The following SAMD4B variants were observed in gnomAD, a reference collection of about 807,000 sequenced individuals.
SAMD4B encodes sterile alpha motif domain containing 4B, also known as protein Smaug homolog 2.
In SAMD4B, 5 loss-of-function variants were observed where a neutral mutation model predicts 74.5. The ratio of observed to expected loss-of-function variants is 0.07; its 90% confidence interval spans 0.04 to 0.14. SAMD4B has a LOEUF of 0.14. SAMD4B is among the 10% of genes least tolerant of loss of function. SAMD4B has a pLI of 1.00. For synonymous variants in SAMD4B, 373 were observed against 374.9 expected (o/e 1.00, Z 0.06); for missense variants, 608 against 921.8 (o/e 0.66, Z 4.41).
At chr19:39,348,044 T>C in intron 1 of SAMD4B, among the ~76,000 whole-genome samples, 1 of 152,002 alleles carries the variant, frequency 6.6e-6, no homozygotes, top group East Asian at 1.9e-4. Flanking sequence ...GAGGCCTCTT[T>C]TGGGAGGTGA....
chr19:39,357,474 C>T (rs2076399686), intron 3 of SAMD4B, among the ~76,000 whole-genome samples: 2 of 152,170 alleles, frequency 1.3e-5, no homozygotes, highest in Non-Finnish European at 1.5e-5. Flanking sequence ...GAGAACTCTT[C>T]CAAAATTCAT....
At chr19:39,345,955 G>C (rs138241497) in intron 1 of SAMD4B, among the ~76,000 whole-genome samples, 217 of 151,972 alleles carry the variant, frequency 1.4e-3, no homozygotes, top group African/African-American at 5.0e-3. Flanking sequence ...GCTGTTTCCT[G>C]ATTCTGAGCT....
At chr19:39,349,542 G>A (rs546879100) in intron 1 of SAMD4B, among the ~76,000 whole-genome samples, 49 of 152,236 alleles carry the variant, frequency 3.2e-4, no homozygotes, top group Non-Finnish European at 6.3e-4. Context: ...TACATGTTTT[G>A]TGTACGTATT....
At chr19:39,367,570 G>A (rs1321616041) in intron 3 of SAMD4B, among the ~76,000 whole-genome samples, 1 of 143,904 alleles carries the variant, frequency 6.9e-6, no homozygotes, top group South Asian at 2.2e-4. Context: ...GTGCAGTGGC[G>A]CGATCTCGGC....
chr19:39,385,681 AAAC>A lies in SAMD4B; in HGVS notation c.*2157_*2159del. 2 of 537,258 alleles carry A rather than the reference AAAC, an allele frequency of 3.7e-6. No individual in the cohort carries two copies. The highest frequency in any genetic ancestry group is 3.0e-5 in the East Asian group (1 of 33,642). 33.3% of individuals were successfully genotyped at this position (537,258 alleles called of 1,614,324 possible). A position where few individuals can be genotyped will look rare whatever the true frequency, so the allele number is the denominator to read the frequency against. On this transcript the variant is annotated 3_prime_UTR_variant, in exon 14 of 14. Transcript: ENST00000610417. Reference sequence around the variant, plus strand: ...TCTGGGCTTATTTTGGAAAAAAAAAAAACAAACAAAAAAAACGAATTCTGACCT... The same window carrying A: ...TCTGGGCTTATTTTGGAAAAAAAAAAAAACAAAAAAAACGAATTCTGACCT...
chr19:39,387,133 C>T (rs2078269776), downstream of SAMD4B: 8 of 438,314 alleles, frequency 1.8e-5, no homozygotes, highest in Admixed American at 6.4e-5. Flanking sequence ...CTTACACAAA[C>T]GTACATAGTA....
At chr19:39,379,292 AT>A (rs2077804641) in intron 9 of SAMD4B, among the ~76,000 whole-genome samples, 1 of 152,090 alleles carries the variant, frequency 6.6e-6, no homozygotes, top group Admixed American at 6.5e-5. Flanking sequence ...ATGAGCAACC[AT>A]GCCCAGCCCG....
Position 39,383,728 on chromosome 19 carries a change from T to C in SAMD4B, c.*201T>C. Reference sequence around the variant, plus strand: ...CCCAGGCCCGTCGAGGGATCTCTGCTGAGGCCCGGGGAGTTGGGGGCAGCC... The same window carrying C: ...CCCAGGCCCGTCGAGGGATCTCTGCCGAGGCCCGGGGAGTTGGGGGCAGCC... On this transcript the variant is annotated 3_prime_UTR_variant, in exon 14 of 14. Transcript: ENST00000610417. This position sits in a 1 kb window ranked among gnomAD's most constrained non-coding sequence, Gnocchi z 4.1. 6.5e-7 allele frequency: 1 copy of C among 1,535,916 alleles called. No homozygotes were observed. Among genetic ancestry groups the C allele is most frequent in the Non-Finnish European group, 8.7e-7 (1 of 1,146,504 alleles).
chr19:39,353,626 G>A (rs1348537881), intron 1 of SAMD4B, among the ~76,000 whole-genome samples: 4 of 151,954 alleles, frequency 2.6e-5, no homozygotes, highest in African/African-American at 9.7e-5. Context: ...TTTTGAGATG[G>A]AATCCCGCTC....
intron 8 of SAMD4B, 108 bp downstream of exon 8, chr19:39,377,932 C>G (rs1017400059): frequency 1.7e-5 from 18 of 1,084,194 alleles, no homozygotes; most frequent in Non-Finnish European, 2.1e-5. Flanking sequence ...CTTTGTAAAG[C>G]CTACTGGAGA....
At chr19:39,389,527 A>G (rs1324463770), downstream of SAMD4B, 1 of 1,614,096 alleles carries the variant, frequency 6.2e-7, no homozygotes, top group East Asian at 2.2e-5. This position sits in a 1 kb window ranked among gnomAD's most constrained non-coding sequence, Gnocchi z 5.3. Flanking sequence ...AAAGTTTCTC[A>G]TCAGCTGGAT....
At chr19:39,351,654 A>G (rs2076048262) in intron 1 of SAMD4B, 1 of 152,080 alleles carries the variant, frequency 6.6e-6, no homozygotes, top group African/African-American at 2.4e-5. Context: ...AAATCATGTG[A>G]ACAGATCTCC....
At position 39,377,508 on chromosome 19, in the gene SAMD4B, A is replaced by T. The variant is rs1469705272; in HGVS notation, c.1128A>T (p.Leu376=). 1 of 1,579,698 alleles carries T rather than the reference A, an allele frequency of 6.3e-7. No homozygotes were observed. The highest frequency in any genetic ancestry group is 8.6e-7 in the Non-Finnish European group (1 of 1,157,542). Residue 376 remains leucine (L), a synonymous_variant, in exon 8 of 14, where the codon CTA becomes CTT. Transcript: ENST00000610417. ...AGGATGTGCTGGAAGGCGGGAACCT[A>T]CGAAACGCTCTGCAGGAGCTGCAGC... ...LEKDVLEGGN[L]RNALQELQQI...
intron 4 of SAMD4B, among the ~76,000 whole-genome samples, chr19:39,372,833 C>G (rs1419571088): frequency 6.6e-6 from 1 of 152,240 alleles, no homozygotes; most frequent in East Asian, 1.9e-4. Flanking sequence ...ATTCCCCAGT[C>G]CCCCAGGGCC....
At chr19:39,363,431 C>T (rs180884417) in intron 3 of SAMD4B, among the ~76,000 whole-genome samples, 1 of 152,256 alleles carries the variant, frequency 6.6e-6, no homozygotes, top group East Asian at 1.9e-4. Flanking sequence ...TGAAATTCCC[C>T]ACCCCTGTCG....
downstream of SAMD4B, chr19:39,390,118 CAG>C: frequency 6.2e-7 from 1 of 1,614,100 alleles, no homozygotes; most frequent in Non-Finnish European, 8.5e-7. Context: ...AAGGGGATAT[CAG>C]GGAGGCTATT....
intron 4 of SAMD4B, among the ~76,000 whole-genome samples, chr19:39,373,834 G>C (rs2077442406): frequency 6.6e-6 from 1 of 152,008 alleles, no homozygotes; most frequent in African/African-American, 2.4e-5. Context: ...CGTGGTGGTG[G>C]GTGCCTGTAA....
At chr19:39,349,443 A>C (rs1289205756) in intron 1 of SAMD4B, among the ~76,000 whole-genome samples, 1 of 152,182 alleles carries the variant, frequency 6.6e-6, no homozygotes, top group East Asian at 1.9e-4. Context: ...CTTATCTTCC[A>C]GGAGGCCCTG....
intron 3 of SAMD4B, among the ~76,000 whole-genome samples, chr19:39,362,065 T>C (rs1408748794): frequency 2.0e-5 from 3 of 152,138 alleles, no homozygotes; most frequent in African/African-American, 7.2e-5. Flanking sequence ...CCTTAGTACT[T>C]CCTCCAGTTC....
Sources: gnomAD v4.1 joint callset for allele counts (sites outside exome capture counted in the v4.1 genomes callset) on GRCh38, gnomAD v4.1.1 for gene constraint, Gnocchi (gnomAD v3.1) non-coding constraint, MANE v1.5 for transcripts, NCBI Gene and HGNC (gene_info 2026-07-23, HGNC 2026-07-21) for gene names.